PSD3: variants seen among roughly 807,000 people sequenced by gnomAD.
PSD3 encodes the protein PH and SEC7 domain-containing protein 3.
PSD3 carries 49 observed loss-of-function variants against 105.5 expected under a neutral mutation model. That is an observed-to-expected ratio of 0.46 (90% CI 0.37 to 0.59). The LOEUF (loss-of-function observed/expected upper bound fraction) is 0.59. Ranked by LOEUF, PSD3 falls within the 20% of genes least tolerant of loss-of-function variation. PSD3 has a pLI of 0.00. For missense variants in PSD3, 1,561 were observed against 1,263.8 expected, an observed-to-expected ratio of 1.24 and a Z score of -3.57; for synonymous variants, 557 against 457.8, an observed-to-expected ratio of 1.22 and a Z score of -2.77.
intron 1 of PSD3, chr8:19,001,865 TC>T: frequency 1.1e-5 from 2 of 174,044 alleles, no homozygotes; most frequent in East Asian, 1.5e-4. Flanking sequence ...TCCTGCGGTG[TC>T]CCCAGCATCC....
rs182234858 is a variant in PSD3 at position 18,828,616 on chromosome 8, C to T, written c.1635-23718G>A. 1.1e-3 allele frequency among the ~76,000 whole-genome samples: 169 copies of T among 152,212 alleles called. 1 individual carries two copies. The highest frequency in any genetic ancestry group is 3.9e-3 in the African/African-American group (163 of 41,524). ...GGGAGTTCAAGACCAGCCTGGGCAACATGGTGGACTCCCATCTCTACCAAT... is the reference window on the plus strand; with the variant it reads ...GGGAGTTCAAGACCAGCCTGGGCAATATGGTGGACTCCCATCTCTACCAAT... On this transcript the variant is annotated intron_variant, in intron 4 of 15. Transcript: ENST00000327040.
chr8:18,540,523 C>T (rs748813658), intron 15 of PSD3, among the ~76,000 whole-genome samples: 1 of 152,160 alleles, frequency 6.6e-6, no homozygotes, highest in Admixed American at 6.5e-5. Context: ...TGCTCCTTCA[C>T]TCTTCTTTTT....
rs534186355 is a variant in PSD3, at chr8:18,887,520, G to A, written c.131-14787C>T. On this transcript the variant is annotated intron_variant, in intron 2 of 15. Coordinates refer to ENST00000327040, the MANE Select transcript of PSD3 (RefSeq NM_015310.4). The stretch of plus-strand genomic sequence containing the variant: ...CAGTCTCAGTATAAAAGCACCAAAT[G>A]TAAAAACTAATAGGTTTATACATGA... 7.2e-5 allele frequency among the ~76,000 whole-genome samples: 11 copies of A among 152,300 alleles called. No individual in the cohort carries two copies. The South Asian group carries it at 2.3e-3, about 32-fold the overall frequency.
intron 2 of PSD3, among the ~76,000 whole-genome samples, chr8:18,884,269 A>G (rs939489105): frequency 6.6e-6 from 1 of 152,202 alleles, no homozygotes; most frequent in Non-Finnish European, 1.5e-5. Flanking sequence ...AATAATTATC[A>G]ACATTTTTAC....
At position 18,574,581 on chromosome 8, in the gene PSD3, A is replaced by G. The variant is rs373255651; in HGVS notation, c.2639+547T>C. Among the ~76,000 whole-genome samples the G allele has an allele frequency of 5.8e-4, 89 of 152,322 alleles. 4 individuals are homozygous for G. In the South Asian group the frequency reaches 0.017, roughly 29 times the overall value. On this transcript the variant is annotated intron_variant, in intron 13 of 15. Transcript: ENST00000327040. ...TAGAATGACATCTTTTCCTTCTAGT[A>G]TAATCATGGACTACTAGAGCTCAGA... is the stretch of plus-strand genomic sequence containing the variant.
chr8:18,613,765 TG>T (rs1805450354), intron 11 of PSD3, among the ~76,000 whole-genome samples: 1 of 152,168 alleles, frequency 6.6e-6, no homozygotes, highest in African/African-American at 2.4e-5. Context: ...CCTGCACCAC[TG>T]GCAACCTTGC....
At chr8:18,595,077 T>C (rs1241353101) in intron 12 of PSD3, among the ~76,000 whole-genome samples, 1 of 152,010 alleles carries the variant, frequency 6.6e-6, no homozygotes, top group Non-Finnish European at 1.5e-5. Flanking sequence ...CCTATAAATA[T>C]ACATTAGTGG....
intron 11 of PSD3, among the ~76,000 whole-genome samples, chr8:18,617,329 G>A (rs904035918): frequency 1.3e-5 from 2 of 152,030 alleles, no homozygotes; most frequent in South Asian, 2.1e-4. Context: ...TAAGGGGTTC[G>A]AGACCAACCT....
intron 12 of PSD3, among the ~76,000 whole-genome samples, chr8:18,577,227 A>G (rs1171083317): frequency 6.6e-6 from 1 of 152,014 alleles, no homozygotes; most frequent in Non-Finnish European, 1.5e-5. Context: ...GTTATATATT[A>G]TTAGATATTC....
chr8:18,641,808 T>A (rs948304846), intron 10 of PSD3, among the ~76,000 whole-genome samples: 1 of 152,160 alleles, frequency 6.6e-6, no homozygotes, highest in Admixed American at 6.5e-5. Context: ...AATGAACTTA[T>A]AAAAAATGTG....
chr8:18,590,605 C>A (rs1160174779), intron 12 of PSD3, among the ~76,000 whole-genome samples: 8 of 151,970 alleles, frequency 5.3e-5, no homozygotes, highest in African/African-American at 1.4e-4. Flanking sequence ...CTACCATGTG[C>A]CCCATGACAC....
At chr8:18,886,242 C>T (rs1341274597) in intron 2 of PSD3, among the ~76,000 whole-genome samples, 1 of 151,954 alleles carries the variant, frequency 6.6e-6, no homozygotes, top group Non-Finnish European at 1.5e-5. Context: ...TAATATTTTG[C>T]TTTCTATATA....
At position 18,556,308 on chromosome 8, in the gene PSD3, G is replaced by A. The variant is rs775041087; in HGVS notation, c.2829C>T (p.Thr943=). The A allele has an allele frequency of 6.2e-7, 1 of 1,613,970 alleles. No homozygotes were observed. Among genetic ancestry groups the A allele is most frequent in the Non-Finnish European group, 8.5e-7 (1 of 1,179,942 alleles). ...KSHESKLKQI[T]TELAEHRSYP... is the part of the protein sequence containing the mutation. ...ATGAGCGGTGCTCGGCCAGCTCGGT[G>A]GTGATCTGCTTCAGCTTACTTTCAT... is the stretch of plus-strand genomic sequence containing the variant. Residue 943 remains threonine, a synonymous_variant, in exon 15 of 16, where the codon ACC becomes ACT. Transcript: ENST00000327040.
chr8:18,874,023 C>G (rs1486681110), intron 2 of PSD3, among the ~76,000 whole-genome samples: 1 of 152,112 alleles, frequency 6.6e-6, no homozygotes, highest in African/African-American at 2.4e-5. Flanking sequence ...TCCTATCAGC[C>G]CTAGTATCCA....
At chr8:18,692,622 A>C (rs1413393175) in intron 9 of PSD3, among the ~76,000 whole-genome samples, 4 of 152,206 alleles carry the variant, frequency 2.6e-5, no homozygotes, top group South Asian at 2.1e-4. Flanking sequence ...GATGATGAAA[A>C]GCTATCAAAG....
At chr8:18,543,096 G>A (rs1042772385) in intron 15 of PSD3, among the ~76,000 whole-genome samples, 1 of 151,886 alleles carries the variant, frequency 6.6e-6, no homozygotes, top group South Asian at 2.1e-4. Flanking sequence ...TCTACATACC[G>A]TTTTCTTGGA....
Position 18,942,848 on chromosome 8 carries a change from G to A in PSD3, c.22-6706C>T, listed in dbSNP as rs538392081. ...AGCAGCCTAGTTAACTATTACTTTAGGAAAGGCTACAGATTAGAGGGCAAA... is the reference window on the plus strand; with the variant it reads ...AGCAGCCTAGTTAACTATTACTTTAAGAAAGGCTACAGATTAGAGGGCAAA... On this transcript the variant is annotated intron_variant, in intron 1 of 15. Coordinates refer to ENST00000327040, the MANE Select transcript of PSD3 (RefSeq NM_015310.4). Among the ~76,000 whole-genome samples the A allele has an allele frequency of 4.6e-5, 7 of 152,286 alleles. 1 individual carries two copies. In the South Asian group the frequency reaches 1.2e-3, roughly 27 times the overall value.
intron 1 of PSD3, among the ~76,000 whole-genome samples, chr8:19,062,354 T>A (rs1208029322): frequency 6.6e-6 from 1 of 152,190 alleles, no homozygotes; most frequent in Admixed American, 6.5e-5. Context: ...ATGCTGTCTG[T>A]TACCTTAGAA....
intron 9 of PSD3, among the ~76,000 whole-genome samples, chr8:18,755,693 CTGTT>C (rs780536476): frequency 3.7e-4 from 56 of 151,848 alleles, no homozygotes; most frequent in Admixed American, 7.9e-4. Flanking sequence ...GGTTAAAAAT[CTGTT>C]TGTACTCTTA....
Sources: allele counts gnomAD v4.1 joint callset (sites outside exome capture counted in the v4.1 genomes callset), GRCh38; gene constraint gnomAD v4.1.1; transcripts MANE v1.5; gene names NCBI Gene and HGNC (gene_info 2026-07-23, HGNC 2026-07-21).